Variants in COMMD10 observed in about 807,000 individuals in gnomAD.
COMMD10 encodes COMM domain-containing protein 10.
A neutral mutation model predicts 28.9 loss-of-function variants in COMMD10; 33 were observed. The ratio of observed to expected loss-of-function variants is 1.14; its 90% confidence interval spans 0.87 to 1.53. The LOEUF (loss-of-function observed/expected upper bound fraction) is 1.53, where lower values mean the gene tolerates loss of function less well. Ranked by LOEUF, COMMD10 falls within the 40% of genes most tolerant of loss-of-function variation. The probability of loss-of-function intolerance (pLI) is 0.00; values close to 1 mark genes in which losing one functional copy is unlikely to be tolerated. For synonymous variants in COMMD10, 110 were observed against 81.7 expected (o/e 1.35, Z -1.87); for missense variants, 310 against 233.4 (o/e 1.33, Z -2.14).
At chr5:116,120,138 A>G (rs79746854) in intron 4 of COMMD10, among the ~76,000 whole-genome samples, 4,352 of 152,236 alleles carry the variant, frequency 0.029, 105 homozygotes, top group East Asian at 0.13. Flanking sequence ...TAAAGAAAAT[A>G]TGGTATATAT....
chr5:116,090,761 T>A (rs748199363), intron 2 of COMMD10, among the ~76,000 whole-genome samples: 11 of 152,202 alleles, frequency 7.2e-5, no homozygotes, highest in Non-Finnish European at 1.5e-4. Context: ...CTGAGATTTC[T>A]GTTTGCTCTG....
chr5:116,095,406 G>C lies in COMMD10; in HGVS notation c.399+2706G>C, dbSNP rs116730649. On this transcript the variant is annotated intron_variant, in intron 4 of 6. Coordinates refer to ENST00000274458, the MANE Select transcript of COMMD10 (RefSeq NM_016144.4). ...TGTCTAAGGTTAGCTAAGCTAAGCT[G>C]TGATGTTTGGTAGATTAAGTGTATT... 7.3e-3 allele frequency among the ~76,000 whole-genome samples: 1,110 copies of C among 152,322 alleles called. 16 individuals are homozygous for C. Among genetic ancestry groups the C allele is most frequent in the African/African-American group, 0.026 (1,080 of 41,572 alleles).
chr5:116,166,585 C>G (rs1753107401), intron 5 of COMMD10, among the ~76,000 whole-genome samples: 1 of 152,198 alleles, frequency 6.6e-6, no homozygotes, highest in African/African-American at 2.4e-5. Flanking sequence ...GCATCTCATA[C>G]AGGAGAGCTC....
intron 5 of COMMD10, among the ~76,000 whole-genome samples, chr5:116,207,174 A>G (rs1329188218): frequency 6.6e-6 from 1 of 152,158 alleles, no homozygotes; most frequent in African/African-American, 2.4e-5. Flanking sequence ...TATTCAATCT[A>G]GAATATTTGC....
chr5:116,256,860 G>A (rs762066086), intron 5 of COMMD10, among the ~76,000 whole-genome samples: 2 of 151,754 alleles, frequency 1.3e-5, no homozygotes, highest in Non-Finnish European at 2.9e-5. Context: ...TGGATACTCT[G>A]TGGTGTTTGG....
intron 5 of COMMD10, among the ~76,000 whole-genome samples, chr5:116,210,968 G>T (rs1050762778): frequency 6.6e-6 from 1 of 151,944 alleles, no homozygotes; most frequent in Non-Finnish European, 1.5e-5. Flanking sequence ...ATTGAAGAAG[G>T]TGACTTAATA....
intron 5 of COMMD10, among the ~76,000 whole-genome samples, chr5:116,265,052 A>G (rs1411634517): frequency 6.6e-6 from 1 of 151,830 alleles, no homozygotes; most frequent in Non-Finnish European, 1.5e-5. Context: ...AATGAATTTC[A>G]TAGCCTCATT....
chr5:116,181,548 A>G (rs1747962916), intron 5 of COMMD10, among the ~76,000 whole-genome samples: 1 of 151,610 alleles, frequency 6.6e-6, no homozygotes, highest in African/African-American at 2.4e-5. Flanking sequence ...ATGGTTAATC[A>G]TAAAAATCCA....
intron 4 of COMMD10, among the ~76,000 whole-genome samples, chr5:116,093,300 CTG>C (rs1268026187): frequency 2.0e-5 from 3 of 152,178 alleles, no homozygotes; most frequent in Non-Finnish European, 2.9e-5. Context: ...GGTAATCACA[CTG>C]TAAATAAAAC....
intron 4 of COMMD10, among the ~76,000 whole-genome samples, chr5:116,121,496 C>A (rs532683224): frequency 6.6e-6 from 1 of 152,122 alleles, no homozygotes; most frequent in Non-Finnish European, 1.5e-5. Flanking sequence ...GGTATATACC[C>A]AGTAATGGGA....
At chr5:116,292,363 C>T in intron 6 of COMMD10, 88 bp from the exon 7 acceptor site, 2 of 762,102 alleles carry the variant, frequency 2.6e-6, no homozygotes, top group South Asian at 3.1e-5. Flanking sequence ...CTATTTTTTC[C>T]TTTCTATTTG....
rs545682603 is a variant in COMMD10 at position 116,212,657 on chromosome 5, A to G, written c.510+78479A>G. Among the ~76,000 whole-genome samples the G allele has an allele frequency of 9.9e-5, 15 of 152,188 alleles. No homozygotes were observed. In the South Asian group the frequency reaches 3.1e-3, roughly 32 times the overall value. ...ACTATTTAATGAAATTACTATTGAC[A>G]TTTTATTGAAATTAAATAATGAATT... On this transcript the variant is annotated intron_variant, in intron 5 of 6. Transcript: ENST00000274458.
At chr5:116,189,380 G>T (rs561720753) in intron 5 of COMMD10, among the ~76,000 whole-genome samples, 2 of 152,278 alleles carry the variant, frequency 1.3e-5, no homozygotes, top group African/African-American at 4.8e-5. Context: ...GGTACCAGCA[G>T]TGGTGGTGGT....
At chr5:116,199,106 T>C (rs753619914) in intron 5 of COMMD10, among the ~76,000 whole-genome samples, 1 of 152,198 alleles carries the variant, frequency 6.6e-6, no homozygotes, top group Non-Finnish European at 1.5e-5. Context: ...TTGCTCCTTA[T>C]CCTCACCATC....
chr5:116,127,241 A>T (rs1315124113), intron 4 of COMMD10, among the ~76,000 whole-genome samples: 1 of 152,212 alleles, frequency 6.6e-6, no homozygotes, highest in Non-Finnish European at 1.5e-5. Context: ...ACCTCACACC[A>T]GTTAGAATGG....
At chr5:116,228,700 C>T (rs1466624100) in intron 5 of COMMD10, among the ~76,000 whole-genome samples, 1 of 151,896 alleles carries the variant, frequency 6.6e-6, no homozygotes, top group Non-Finnish European at 1.5e-5. Context: ...AAAATTAAGT[C>T]TGGATTCTGA....
intron 5 of COMMD10, among the ~76,000 whole-genome samples, chr5:116,195,316 G>A (rs1170463391): frequency 6.6e-6 from 1 of 152,110 alleles, no homozygotes; most frequent in Non-Finnish European, 1.5e-5. Flanking sequence ...CCTAGCCAGA[G>A]CAGTCAGACA....
rs746582688 is a variant in COMMD10 at position 116,092,618 on chromosome 5, C to G, written c.317C>G (p.Ala106Gly). Residue 106 changes from alanine (A) to glycine (G), a missense_variant, in exon 4 of 7, where the codon GCT (alanine) becomes GGT (glycine). By Grantham distance (60) the Ala-to-Gly change is moderately conservative. Transcript: ENST00000274458. ...AACATTCATCTTAGACAAGACAAAG[C>G]TGAAGCATTTGTCAATACGTGGTCT... is the stretch of plus-strand genomic sequence containing the variant. Reference protein sequence around the residue: ...LENIHLRQDKAEAFVNTWSSM... With the variant: ...LENIHLRQDKGEAFVNTWSSM... The G allele has an allele frequency of 6.2e-7, 1 of 1,611,102 alleles. No individual in the cohort carries two copies. The highest frequency in any genetic ancestry group is 1.1e-5 in the South Asian group (1 of 90,680).
intron 5 of COMMD10, among the ~76,000 whole-genome samples, chr5:116,284,334 G>T (rs954200385): frequency 6.7e-6 from 1 of 149,152 alleles, no homozygotes; most frequent in Non-Finnish European, 1.5e-5. Context: ...GTATGTGTGT[G>T]TGTATGTATG....
Sources: gnomAD v4.1 joint callset for allele counts (sites outside exome capture counted in the v4.1 genomes callset) on GRCh38, gnomAD v4.1.1 for gene constraint, MANE v1.5 for transcripts, NCBI Gene and HGNC (gene_info 2026-07-23, HGNC 2026-07-21) for gene names.